The following DMD variants were observed in gnomAD, a reference collection of about 807,000 sequenced individuals.
DMD encodes the protein dystrophin, also known as mutant dystrophin.
DMD carries 63 observed loss-of-function variants against 330.1 expected under a neutral mutation model. That is an observed-to-expected ratio of 0.19 (90% CI 0.16 to 0.24). The LOEUF is 0.24. Ranked by LOEUF, DMD falls within the 10% of genes least tolerant of loss-of-function variation. DMD has a pLI of 1.00. For missense variants in DMD, 3,344 were observed against 2,684.1 expected (o/e 1.25, Z -5.43); for synonymous variants, 1,223 against 959.8 (o/e 1.27, Z -5.07).
At chrX:33,124,282 C>A (rs2095444176) in intron 1 of DMD, among the ~76,000 whole-genome samples, 1 of 109,217 alleles carries the variant, frequency 9.2e-6, no homozygotes, top group Admixed American at 9.8e-5. Flanking sequence ...TAGAAACAAG[C>A]CTGGCCAACA....
chrX:31,755,115 G>T (rs1603460360), intron 51 of DMD, among the ~76,000 whole-genome samples: 1 of 102,522 alleles, frequency 9.8e-6, no homozygotes, highest in South Asian at 4.5e-4. Context: ...CTCCTGGGGT[G>T]GGTTCTACCA....
chrX:32,577,843 G>C (rs764830038), intron 13 of DMD, among the ~76,000 whole-genome samples: 1 of 112,474 alleles, frequency 8.9e-6, no homozygotes, highest in Admixed American at 9.4e-5. Context: ...CTCAGTGTAA[G>C]CGGAAAAGTG....
chrX:31,622,630 A>C (rs774543876), intron 55 of DMD, among the ~76,000 whole-genome samples: 1 of 109,139 alleles, frequency 9.2e-6, no homozygotes, highest in Admixed American at 9.9e-5. Flanking sequence ...CAAACCAGGA[A>C]GAGGGGCCCT....
At chrX:32,611,553 C>A (rs983142794) in intron 12 of DMD, among the ~76,000 whole-genome samples, 16 of 111,513 alleles carry the variant, frequency 1.4e-4, no homozygotes, top group African/African-American at 4.9e-4. Flanking sequence ...TCAGAAAAAA[C>A]TACAAAACAT....
At chrX:32,819,344 C>T (rs60640218) in intron 5 of DMD, among the ~76,000 whole-genome samples, 5,338 of 110,536 alleles carry the variant, frequency 0.048, 300 homozygotes, top group African/African-American at 0.16. Flanking sequence ...CCATTAAGTA[C>T]ATCCCTTGAA....
chrX:32,040,630 C>T (rs760860798), intron 44 of DMD, among the ~76,000 whole-genome samples: 2 of 111,001 alleles, frequency 1.8e-5, no homozygotes, highest in South Asian at 3.8e-4. Context: ...TGTAGGTTTC[C>T]GAAGAGGGGG....
intron 55 of DMD, among the ~76,000 whole-genome samples, chrX:31,555,190 T>G (rs753807432): frequency 8.9e-6 from 1 of 111,840 alleles, no homozygotes; most frequent in South Asian, 3.7e-4. Context: ...AATTGTAGCA[T>G]TTGCCAATTT....
intron 44 of DMD, among the ~76,000 whole-genome samples, chrX:32,024,074 A>G (rs988910003): frequency 5.3e-4 from 59 of 112,028 alleles, no homozygotes; most frequent in African/African-American, 1.9e-3. Context: ...GCTGAATCTA[A>G]AATAAAAGTT....
intron 12 of DMD, among the ~76,000 whole-genome samples, chrX:32,596,913 G>A (rs770105756): frequency 9.0e-6 from 1 of 111,115 alleles, no homozygotes; most frequent in Non-Finnish European, 1.9e-5. Flanking sequence ...TCAGATGTCA[G>A]TCCGATTTAT....
chrX:32,047,391 C>A (rs780104862), intron 44 of DMD, among the ~76,000 whole-genome samples: 22 of 111,623 alleles, frequency 2.0e-4, no homozygotes, highest in Non-Finnish European at 3.4e-4. Flanking sequence ...GATAAGTTCA[C>A]ATCTTATTAT....
At chrX:31,566,858 T>C (rs780079908) in intron 55 of DMD, among the ~76,000 whole-genome samples, 34 of 112,022 alleles carry the variant, frequency 3.0e-4, no homozygotes, top group African/African-American at 1.0e-3. Flanking sequence ...GGATAAGCAA[T>C]TATAAATGGT....
At chrX:31,874,484 C>G (rs780409665) in intron 48 of DMD, among the ~76,000 whole-genome samples, 5 of 111,592 alleles carry the variant, frequency 4.5e-5, no homozygotes, top group Non-Finnish European at 7.5e-5. Context: ...ACAATTAAAA[C>G]AGGGATAGAA....
chrX:32,108,904 T>C (rs189571230), intron 44 of DMD, among the ~76,000 whole-genome samples: 46 of 111,509 alleles, frequency 4.1e-4, no homozygotes, highest in Non-Finnish European at 9.5e-5. Flanking sequence ...TTATTGCCTT[T>C]TCATAAACAT....
At chrX:31,805,759 GAGTAA>G (rs893548014) in intron 50 of DMD, among the ~76,000 whole-genome samples, 3 of 112,135 alleles carry the variant, frequency 2.7e-5, no homozygotes, top group African/African-American at 6.5e-5. Flanking sequence ...TCTTTGTTCT[GAGTAA>G]GCATTAATAA....
chrX:32,758,673 G>A (rs991592198), intron 7 of DMD, among the ~76,000 whole-genome samples: 12 of 111,190 alleles, frequency 1.1e-4, no homozygotes, highest in African/African-American at 3.3e-4. Context: ...TACTCTTACT[G>A]CAATTTGCCC....
chrX:32,311,189 T>C (rs982483853), intron 41 of DMD, among the ~76,000 whole-genome samples: 1 of 111,453 alleles, frequency 9.0e-6, no homozygotes, highest in African/African-American at 3.3e-5. Context: ...AATAACTTTG[T>C]CTAGAATTGA....
intron 43 of DMD, among the ~76,000 whole-genome samples, chrX:32,222,823 G>A (rs2097136250): frequency 1.8e-5 from 2 of 112,007 alleles, no homozygotes; most frequent in Admixed American, 1.9e-4. Flanking sequence ...AATAGGCAGT[G>A]TCATTAGCCT....
chrX:32,358,070 C>T lies in DMD; in HGVS notation c.5325+4718G>A, dbSNP rs376717008. 1.2e-4 allele frequency among the ~76,000 whole-genome samples: 13 copies of T among 109,964 alleles called. No individual in the cohort carries two copies. In the East Asian group the frequency reaches 3.4e-3, roughly 29 times the overall value. ...ACCTAGCAATAGATCCCCCTCACTA[C>T]CAAACACTGTTATCGGAAAATAATA... On this transcript the variant is annotated intron_variant, in intron 37 of 78. Coordinates refer to ENST00000357033, the MANE Select transcript of DMD (RefSeq NM_004006.3).
chrX:31,709,635 T>C lies in DMD; in HGVS notation c.7660+19996A>G, dbSNP rs2084481046. ...GTGTGTGGTGTGTCAGAGAGAAATA[T>C]TTGCGTTTGGGGTCCTTATTTCATT... On this transcript the variant is annotated intron_variant, in intron 52 of 78. Coordinates refer to ENST00000357033, the MANE Select transcript of DMD (RefSeq NM_004006.3). 2.8e-5 allele frequency among the ~76,000 whole-genome samples: 3 copies of C among 108,120 alleles called. No individual in the cohort carries two copies. In the Admixed American group the frequency reaches 3.0e-4, roughly 11 times the overall value. The allele number at this position is 108,120 out of a possible 115,157, so 93.9% of individuals were successfully genotyped here. A position where few individuals can be genotyped will look rare whatever the true frequency, so the allele number is the denominator to read the frequency against.
Sources: allele counts gnomAD v4.1 joint callset (sites outside exome capture counted in the v4.1 genomes callset), GRCh38; gene constraint gnomAD v4.1.1; transcripts MANE v1.5; gene names NCBI Gene and HGNC (gene_info 2026-07-23, HGNC 2026-07-21).